Variants in SHISA9 observed in about 807,000 individuals in gnomAD.
SHISA9 encodes the protein shisa family member 9, also known as protein shisa-9.
Under a neutral mutation model 38.0 loss-of-function variants are expected in SHISA9, and 13 were observed. That is an observed-to-expected ratio of 0.34 (90% CI 0.22 to 0.54). The LOEUF is 0.54. Among genes scored for constraint, SHISA9 ranks in the 20% least tolerant of loss-of-function variants. The pLI, the probability that SHISA9 is intolerant of heterozygous loss-of-function variation, is 0.91. For missense variants in SHISA9, 538 were observed against 575.8 expected, an observed-to-expected ratio of 0.93 and a Z score of 0.67; for synonymous variants, 275 against 242.0, an observed-to-expected ratio of 1.14 and a Z score of -1.27.
At chr16:12,920,711 A>T (rs1483903194) in intron 2 of SHISA9, among the ~76,000 whole-genome samples, 1 of 152,212 alleles carries the variant, frequency 6.6e-6, no homozygotes, top group Non-Finnish European at 1.5e-5. Context: ...ACTCTCCCCA[A>T]TATCAACATT....
intron 2 of SHISA9, among the ~76,000 whole-genome samples, chr16:13,168,985 C>T (rs1399153096): frequency 2.6e-5 from 4 of 152,208 alleles, no homozygotes; most frequent in South Asian, 2.1e-4. Flanking sequence ...TTTTTATCAT[C>T]TTGATAATTA....
intron 2 of SHISA9, among the ~76,000 whole-genome samples, chr16:13,171,678 C>A (rs2050687983): frequency 2.0e-5 from 3 of 147,432 alleles, no homozygotes; most frequent in African/African-American, 5.0e-5. Flanking sequence ...TAGCAAAGAG[C>A]AAAAAAGTGG....
At chr16:13,436,816 A>G in the SHISA9 span, among the ~76,000 whole-genome samples, 1 of 152,194 alleles carries the variant, frequency 6.6e-6, no homozygotes, top group East Asian at 1.9e-4. Flanking sequence ...TTGTTTGGCC[A>G]CGTGATTTGC....
intron 2 of SHISA9, among the ~76,000 whole-genome samples, chr16:13,028,985 T>G (rs1170226631): frequency 6.6e-6 from 1 of 152,164 alleles, no homozygotes; most frequent in Non-Finnish European, 1.5e-5. Context: ...TGGATGCAAA[T>G]GCAATTGAGG....
chr16:12,924,782 A>G lies in SHISA9; in HGVS notation c.691+7967A>G, dbSNP rs12919204. On this transcript the variant is annotated intron_variant, in intron 2 of 4. Coordinates refer to ENST00000558583, the MANE Select transcript of SHISA9 (RefSeq NM_001145204.3). ...TTGAACATGGCTTTGAGGGAGTGCA[A>G]TGAAGAAGTGGGGGACACAGACTTG... Among the ~76,000 whole-genome samples the G allele has an allele frequency of 5.9e-5, 9 of 152,098 alleles. No individual in the cohort carries two copies. The South Asian group carries it at 1.5e-3, about 25-fold the overall frequency.
intron 2 of SHISA9, among the ~76,000 whole-genome samples, chr16:13,167,672 C>T (rs1301021234): frequency 6.6e-6 from 1 of 152,068 alleles, no homozygotes; most frequent in Non-Finnish European, 1.5e-5. Flanking sequence ...TAGCACCTTC[C>T]CCCCTTCTCT....
intron 2 of SHISA9, among the ~76,000 whole-genome samples, chr16:13,030,313 G>C (rs1381954012): frequency 6.6e-6 from 1 of 152,134 alleles, no homozygotes; most frequent in African/African-American, 2.4e-5. Context: ...AGAAGTGCTG[G>C]AGAGTCGATG....
At chr16:13,121,971 G>A (rs1008102968) in intron 2 of SHISA9, among the ~76,000 whole-genome samples, 1 of 151,966 alleles carries the variant, frequency 6.6e-6, no homozygotes, top group African/African-American at 2.4e-5. Context: ...AAGCAATCCC[G>A]TGAGGATTGA....
At chr16:13,161,262 T>C (rs1487746056) in intron 2 of SHISA9, among the ~76,000 whole-genome samples, 2 of 152,086 alleles carry the variant, frequency 1.3e-5, no homozygotes, top group Non-Finnish European at 2.9e-5. Context: ...CTTTGCTACA[T>C]TGATGGGTCG....
Position 12,992,446 on chromosome 16 carries a change from C to T in SHISA9, c.691+75631C>T, listed in dbSNP as rs182391257. On this transcript the variant is annotated intron_variant, in intron 2 of 4. Transcript: ENST00000558583. Reference sequence around the variant, plus strand: ...ACTCAGGAGGCTGAGGCAGAAGAATCGCTTGAACCCGGGAGGCAGAGGTTG... The same window carrying T: ...ACTCAGGAGGCTGAGGCAGAAGAATTGCTTGAACCCGGGAGGCAGAGGTTG... Among the ~76,000 whole-genome samples, 16 of 151,632 alleles carry T rather than the reference C, an allele frequency of 1.1e-4. No homozygotes were observed. In the East Asian group the frequency reaches 1.9e-3, roughly 18 times the overall value.
At chr16:13,283,160 A>G in the SHISA9 span, among the ~76,000 whole-genome samples, 1 of 152,140 alleles carries the variant, frequency 6.6e-6, no homozygotes, top group African/African-American at 2.4e-5. Flanking sequence ...AGGCAATTCA[A>G]CTACTGGTTG....
chr16:13,556,722 T>G, the SHISA9 span, among the ~76,000 whole-genome samples: 2 of 151,942 alleles, frequency 1.3e-5, no homozygotes, highest in African/African-American at 4.8e-5. Flanking sequence ...TATCTGTGGG[T>G]TCTCCCTCCT....
chr16:13,421,521 A>C, the SHISA9 span, among the ~76,000 whole-genome samples: 1 of 152,188 alleles, frequency 6.6e-6, no homozygotes, highest in South Asian at 2.1e-4. Flanking sequence ...CCCATGATTC[A>C]AATTATGTCC....
chr16:13,203,290 T>G, intron 2 of SHISA9, 104 bp from the exon 3 acceptor site: 1 of 1,186,600 alleles, frequency 8.4e-7, no homozygotes, highest in South Asian at 2.5e-5. Context: ...CTTGCGTCCC[T>G]AAAGGGTGGG....
chr16:13,509,392 C>T, the SHISA9 span, among the ~76,000 whole-genome samples: 1 of 152,140 alleles, frequency 6.6e-6, no homozygotes, highest in Non-Finnish European at 1.5e-5. Flanking sequence ...AAGCATGCCT[C>T]CATTTCCCAG....
At chr16:13,429,645 A>G in the SHISA9 span, among the ~76,000 whole-genome samples, 2 of 152,212 alleles carry the variant, frequency 1.3e-5, no homozygotes, top group East Asian at 1.9e-4. Flanking sequence ...GATGACCTGG[A>G]GTTTAGGAAT....
chr16:13,037,137 C>G (rs1001979223), intron 2 of SHISA9, among the ~76,000 whole-genome samples: 1 of 149,040 alleles, frequency 6.7e-6, no homozygotes, highest in South Asian at 2.3e-4. Flanking sequence ...CACACACACA[C>G]ACACACACAC....
At chr16:13,466,558 AGTT>A in the SHISA9 span, among the ~76,000 whole-genome samples, 13 of 152,216 alleles carry the variant, frequency 8.5e-5, no homozygotes, top group Non-Finnish European at 1.0e-4. Flanking sequence ...CAGAATGGGT[AGTT>A]GTTGTTGTTG....
the SHISA9 span, among the ~76,000 whole-genome samples, chr16:13,309,211 G>A: frequency 6.6e-6 from 1 of 152,104 alleles, no homozygotes; most frequent in Non-Finnish European, 1.5e-5. Context: ...TGGGGCTAGG[G>A]AGGGCATCAG....
Sources: allele counts gnomAD v4.1 joint callset (sites outside exome capture counted in the v4.1 genomes callset), GRCh38; gene constraint gnomAD v4.1.1; transcripts MANE v1.5; gene names NCBI Gene and HGNC (gene_info 2026-07-23, HGNC 2026-07-21).